Variants in PDZRN4 observed in about 807,000 individuals in gnomAD.
PDZRN4 encodes the protein PDZ domain containing ring finger 4.
Under a neutral mutation model 99.0 loss-of-function variants are expected in PDZRN4, and 70 were observed. That is an observed-to-expected ratio of 0.71 (90% CI 0.58 to 0.86). PDZRN4 has a LOEUF of 0.86. Ranked by LOEUF, PDZRN4 falls within the 40% of genes least tolerant of loss-of-function variation. The probability of loss-of-function intolerance (pLI) is 0.00; values close to 1 mark genes in which losing one functional copy is unlikely to be tolerated. For synonymous variants in PDZRN4, 551 were observed against 501.6 expected, an observed-to-expected ratio of 1.10 and a Z score of -1.32; for missense variants, 1,474 against 1,331.2, an observed-to-expected ratio of 1.11 and a Z score of -1.67.
chr12:41,312,043 GC>G (rs1326295725), intron 3 of PDZRN4, among the ~76,000 whole-genome samples: 7 of 152,106 alleles, frequency 4.6e-5, no homozygotes, highest in Admixed American at 6.5e-5. Context: ...TGATCCTGCT[GC>G]TAAAATCATG....
At chr12:41,557,616 A>G (rs1009310270) in intron 7 of PDZRN4, among the ~76,000 whole-genome samples, 25 of 151,736 alleles carry the variant, frequency 1.6e-4, no homozygotes, top group Admixed American at 1.6e-3. Context: ...TGTTCAGGAC[A>G]ACACTCATGG....
In PDZRN4 at chr12:41,324,420, T is replaced by C. The variant is rs578223924; in HGVS notation, c.843+130232T>C. Among the ~76,000 whole-genome samples the C allele has an allele frequency of 1.4e-4, 22 of 152,182 alleles. No individual in the cohort carries two copies. In the South Asian group the frequency reaches 3.5e-3, roughly 24 times the overall value. On this transcript the variant is annotated intron_variant, in intron 3 of 9. Coordinates refer to ENST00000402685, the MANE Select transcript of PDZRN4 (RefSeq NM_001164595.2). ...ATATTCTAGTACTTTTTGAGAAACA[T>C]TATGAAAGAGCAGAAATTATACAAT...
chr12:41,267,519 T>C (rs2120849226), intron 3 of PDZRN4, among the ~76,000 whole-genome samples: 1 of 152,018 alleles, frequency 6.6e-6, no homozygotes, highest in Admixed American at 6.6e-5. Context: ...TTGATAAAAA[T>C]TGGAGTTGCA....
chr12:41,550,489 CATTA>C (rs1272874287), intron 5 of PDZRN4, among the ~76,000 whole-genome samples: 4 of 152,146 alleles, frequency 2.6e-5, no homozygotes, highest in African/African-American at 7.2e-5. Context: ...CCTCTGGAGG[CATTA>C]ATTATTACCA....
chr12:41,213,199 C>G (rs1950898998), intron 3 of PDZRN4, among the ~76,000 whole-genome samples: 1 of 151,892 alleles, frequency 6.6e-6, no homozygotes, highest in African/African-American at 2.4e-5. Flanking sequence ...GTGACATGAT[C>G]AAATTACCAT....
chr12:41,366,111 T>G (rs1273363137), intron 3 of PDZRN4, among the ~76,000 whole-genome samples: 1 of 152,138 alleles, frequency 6.6e-6, no homozygotes, highest in East Asian at 1.9e-4. Context: ...TATTTTCCCA[T>G]TCAAACTGCA....
At chr12:41,538,575 C>G (rs1369839717) in intron 5 of PDZRN4, among the ~76,000 whole-genome samples, 1 of 152,054 alleles carries the variant, frequency 6.6e-6, no homozygotes, top group African/African-American at 2.4e-5. Flanking sequence ...GCCAAATGAT[C>G]AGATTAATCC....
At chr12:41,198,479 T>A (rs1432226403) in intron 3 of PDZRN4, among the ~76,000 whole-genome samples, 1 of 151,950 alleles carries the variant, frequency 6.6e-6, no homozygotes, top group Non-Finnish European at 1.5e-5. Flanking sequence ...GGATTTTTTT[T>A]AGTGTATATA....
intron 3 of PDZRN4, among the ~76,000 whole-genome samples, chr12:41,284,588 C>A (rs531506322): frequency 2.6e-5 from 4 of 152,120 alleles, no homozygotes; most frequent in African/African-American, 7.2e-5. Context: ...GGAGGCATCA[C>A]GCAACCTGAC....
At chr12:41,571,475 TG>T (rs1939478904) in intron 9 of PDZRN4, among the ~76,000 whole-genome samples, 1 of 151,854 alleles carries the variant, frequency 6.6e-6, no homozygotes, top group Non-Finnish European at 1.5e-5. Context: ...TTTGATATTA[TG>T]CCCATGTCTG....
rs146148211 is a variant in PDZRN4, at chr12:41,542,815, G to GT, written c.1204-9832dup. Reference sequence around the variant, plus strand: ...ATTCTAGGAAGTAAATCATAATTATGTTTTTTTTTCTAAAAAATCTAATCA... The same window carrying GT: ...ATTCTAGGAAGTAAATCATAATTATGTTTTTTTTTTCTAAAAAATCTAATCA... On this transcript the variant is annotated intron_variant, in intron 5 of 9. Coordinates refer to ENST00000402685, the MANE Select transcript of PDZRN4 (RefSeq NM_001164595.2). Among the ~76,000 whole-genome samples the GT allele has an allele frequency of 4.8e-4, 72 of 150,974 alleles. No homozygotes were observed. In the Middle Eastern group the frequency reaches 0.01, roughly 22 times the overall value.
At chr12:41,410,730 C>G (rs1165219640) in intron 3 of PDZRN4, among the ~76,000 whole-genome samples, 1 of 152,146 alleles carries the variant, frequency 6.6e-6, no homozygotes, top group Non-Finnish European at 1.5e-5. Context: ...TTAATTTCCT[C>G]ATCTTTAAAA....
At chr12:41,399,233 T>TA (rs1336681921) in intron 3 of PDZRN4, among the ~76,000 whole-genome samples, 14 of 152,090 alleles carry the variant, frequency 9.2e-5, no homozygotes, top group Non-Finnish European at 4.4e-5. Context: ...CCAAGGTATA[T>TA]AAAAAAAGAA....
At chr12:41,437,717 C>G (rs1952642787) in intron 3 of PDZRN4, 2 of 1,430,876 alleles carry the variant, frequency 1.4e-6, no homozygotes, top group South Asian at 1.5e-5. Flanking sequence ...ACTGGAAACT[C>G]TGTGTGTGTA....
At chr12:41,508,446 G>A (rs1938245884) in intron 4 of PDZRN4, among the ~76,000 whole-genome samples, 1 of 152,110 alleles carries the variant, frequency 6.6e-6, no homozygotes, top group Non-Finnish European at 1.5e-5. Context: ...GGGCAGAATT[G>A]GATTTTGTAA....
chr12:41,227,912 CA>C (rs879824710), intron 3 of PDZRN4, among the ~76,000 whole-genome samples: 13,750 of 148,064 alleles, frequency 0.093, 834 homozygotes, highest in African/African-American at 0.18. Context: ...CACACACACA[CA>C]CACACACCAG....
chr12:41,228,136 A>G (rs1000456862), intron 3 of PDZRN4, among the ~76,000 whole-genome samples: 5 of 152,114 alleles, frequency 3.3e-5, no homozygotes, highest in African/African-American at 4.8e-5. Flanking sequence ...TAAAGACTGA[A>G]TGCCACATCT....
intron 3 of PDZRN4, among the ~76,000 whole-genome samples, chr12:41,477,381 G>T (rs1937613071): frequency 6.6e-6 from 1 of 152,130 alleles, no homozygotes; most frequent in South Asian, 2.1e-4. Context: ...AAATGAACAG[G>T]CTCTCACACA....
At chr12:41,396,199 G>A (rs775965240) in intron 3 of PDZRN4, among the ~76,000 whole-genome samples, 8 of 152,070 alleles carry the variant, frequency 5.3e-5, no homozygotes, top group Non-Finnish European at 1.0e-4. Context: ...GGCTGTGAAC[G>A]TTTTCTGCCA....
Sources: allele counts gnomAD v4.1 joint callset (sites outside exome capture counted in the v4.1 genomes callset), GRCh38; gene constraint gnomAD v4.1.1; transcripts MANE v1.5; gene names NCBI Gene and HGNC (gene_info 2026-07-23, HGNC 2026-07-21).